ATP8A1: variants seen among roughly 807,000 people sequenced by gnomAD.
The protein encoded by ATP8A1 is phospholipid-transporting ATPase IA.
In ATP8A1, 90 loss-of-function variants were observed where a neutral mutation model predicts 177.7. That is an observed-to-expected ratio of 0.51 (90% confidence interval 0.43 to 0.60). The LOEUF (loss-of-function observed/expected upper bound fraction) is 0.60. Among genes scored for constraint, ATP8A1 ranks in the 20% least tolerant of loss-of-function variants. ATP8A1 has a pLI of 0.00. For missense variants in ATP8A1, 1,072 were observed against 1,392.8 expected (o/e 0.77, Z 3.67); for synonymous variants, 493 against 485.9 (o/e 1.01, Z -0.19).
At chr4:42,589,201 G>A (rs554769287) in intron 7 of ATP8A1, among the ~76,000 whole-genome samples, 1 of 152,252 alleles carries the variant, frequency 6.6e-6, no homozygotes, top group African/African-American at 2.4e-5. Flanking sequence ...ATCTAAGTTT[G>A]TAGCCCAACT....
chr4:42,584,752 A>G (rs1733449183), intron 9 of ATP8A1, among the ~76,000 whole-genome samples: 1 of 152,178 alleles, frequency 6.6e-6, no homozygotes, highest in African/African-American at 2.4e-5. Context: ...CTTACTTCCA[A>G]ACATATCTCA....
chr4:42,593,648 TA>T (rs1379468735), intron 6 of ATP8A1, among the ~76,000 whole-genome samples: 1 of 152,074 alleles, frequency 6.6e-6, no homozygotes, highest in East Asian at 1.9e-4. Context: ...TTTCTTAATT[TA>T]AAATAGGACT....
chr4:42,430,900 G>A (rs1040083002), intron 33 of ATP8A1, among the ~76,000 whole-genome samples: 1 of 151,808 alleles, frequency 6.6e-6, no homozygotes, highest in Non-Finnish European at 1.5e-5. Flanking sequence ...AACACTTCAG[G>A]TACAGTGAGG....
At chr4:42,520,339 A>G (rs1725986513) in intron 22 of ATP8A1, among the ~76,000 whole-genome samples, 1 of 151,958 alleles carries the variant, frequency 6.6e-6, no homozygotes, top group South Asian at 2.1e-4. Flanking sequence ...CAGGAAAAAC[A>G]TCATTTCCAA....
chr4:42,444,537 T>G (rs768592229), intron 32 of ATP8A1, 41 bp downstream of exon 32: 1 of 1,575,786 alleles, frequency 6.3e-7, no homozygotes, highest in South Asian at 1.1e-5. Flanking sequence ...AATGCACAAG[T>G]AAATGTGACA....
chr4:42,532,190 A>T (rs1311266276), intron 20 of ATP8A1, among the ~76,000 whole-genome samples: 1 of 152,038 alleles, frequency 6.6e-6, no homozygotes, highest in Non-Finnish European at 1.5e-5. Flanking sequence ...GAGGTGAAAG[A>T]TCTCTATAAG....
chr4:42,543,768 G>T, intron 20 of ATP8A1, 149 bp downstream of exon 20: 1 of 549,902 alleles, frequency 1.8e-6, no homozygotes, highest in Non-Finnish European at 3.1e-6. Context: ...CACCAGAAGA[G>T]GCTGAACACT....
At chr4:42,468,851 T>C (rs1720097780) in intron 25 of ATP8A1, among the ~76,000 whole-genome samples, 1 of 152,226 alleles carries the variant, frequency 6.6e-6, no homozygotes, top group African/African-American at 2.4e-5. Flanking sequence ...AGCCTTTTCT[T>C]ATGATTCTGA....
At chr4:42,610,074 A>G (rs1560515743) in intron 5 of ATP8A1, among the ~76,000 whole-genome samples, 3 of 151,792 alleles carry the variant, frequency 2.0e-5, no homozygotes, top group Non-Finnish European at 4.4e-5. Context: ...TACTACCCTG[A>G]TATCTGCTTA....
chr4:42,543,907 A>G lies in ATP8A1; in HGVS notation c.1722+10T>C. On this transcript the variant is annotated intron_variant, in intron 20 of 36. Coordinates refer to ENST00000381668, the MANE Select transcript of ATP8A1 (RefSeq NM_006095.2). Reference sequence around the variant, plus strand: ...AATTATAACTGTAAAAAATAAAAATAAAAACTTACAGCTCCTTTGCAGTAG... The same window carrying G: ...AATTATAACTGTAAAAAATAAAAATGAAAACTTACAGCTCCTTTGCAGTAG... 1 of 1,593,002 alleles carries G rather than the reference A, an allele frequency of 6.3e-7. No individual in the cohort carries two copies. Among genetic ancestry groups the G allele is most frequent in the Non-Finnish European group, 8.6e-7 (1 of 1,167,130 alleles).
chr4:42,551,499 C>A (rs1729499744), intron 17 of ATP8A1, among the ~76,000 whole-genome samples: 1 of 152,170 alleles, frequency 6.6e-6, no homozygotes, highest in African/African-American at 2.4e-5. Context: ...CTCAGAGTTA[C>A]ATTTCCGAAA....
At chr4:42,542,344 C>T (rs1420444721) in intron 20 of ATP8A1, among the ~76,000 whole-genome samples, 1 of 151,826 alleles carries the variant, frequency 6.6e-6, no homozygotes, top group Non-Finnish European at 1.5e-5. Flanking sequence ...GAAGATGATT[C>T]CAAACTATAC....
At chr4:42,440,922 A>ATCAG (rs1553873147) in intron 33 of ATP8A1, among the ~76,000 whole-genome samples, 3 of 152,074 alleles carry the variant, frequency 2.0e-5, no homozygotes, top group Admixed American at 6.6e-5. Context: ...TACGTACATA[A>ATCAG]TTAATTATTT....
chr4:42,504,678 T>C (rs1236135868), intron 23 of ATP8A1, among the ~76,000 whole-genome samples: 2 of 152,264 alleles, frequency 1.3e-5, no homozygotes, highest in African/African-American at 4.8e-5. Flanking sequence ...TCCCTGATTC[T>C]ACACTTGCTT....
intron 16 of ATP8A1, among the ~76,000 whole-genome samples, chr4:42,555,391 G>A (rs1483780217): frequency 6.6e-6 from 1 of 150,904 alleles, no homozygotes; most frequent in Non-Finnish European, 1.5e-5. Context: ...TATCACAGAA[G>A]GTTCAATAAT....
At chr4:42,534,355 C>T (rs774597434) in intron 20 of ATP8A1, among the ~76,000 whole-genome samples, 11 of 151,908 alleles carry the variant, frequency 7.2e-5, no homozygotes, top group Non-Finnish European at 1.5e-4. Context: ...AAATGAAGGC[C>T]ACACTTAGAG....
intron 35 of ATP8A1, 51 bp from the exon 36 acceptor site, chr4:42,414,769 C>A: frequency 7.3e-7 from 1 of 1,362,510 alleles, no homozygotes; most frequent in Non-Finnish European, 1.1e-6. Flanking sequence ...CGGCAGAGAC[C>A]CCAGTGTGCC....
At chr4:42,571,374 C>T (rs1172565350) in intron 14 of ATP8A1, among the ~76,000 whole-genome samples, 1 of 151,572 alleles carries the variant, frequency 6.6e-6, no homozygotes, top group Non-Finnish European at 1.5e-5. Flanking sequence ...GCCTTGTCCA[C>T]ACAAAAAAGC....
At chr4:42,485,175 T>A (rs1722066488) in intron 25 of ATP8A1, among the ~76,000 whole-genome samples, 2 of 152,152 alleles carry the variant, frequency 1.3e-5, no homozygotes, top group African/African-American at 2.4e-5. Context: ...AGCAGCTGGA[T>A]CAAAGATTTA....
Sources: allele counts gnomAD v4.1 joint callset (sites outside exome capture counted in the v4.1 genomes callset), GRCh38; gene constraint gnomAD v4.1.1; transcripts MANE v1.5; gene names NCBI Gene and HGNC (gene_info 2026-07-23, HGNC 2026-07-21).